SUMF1: variants seen among roughly 807,000 people sequenced by gnomAD.
SUMF1 encodes sulfatase modifying factor 1.
In SUMF1, 48 loss-of-function variants were observed where a neutral mutation model predicts 47.6. That is an observed-to-expected ratio of 1.01 (90% confidence interval 0.80 to 1.28). SUMF1 has a LOEUF of 1.28. Ranked by LOEUF, SUMF1 falls within the 50% of genes most tolerant of loss-of-function variation. The pLI is 0.00. For missense variants in SUMF1, 571 were observed against 485.4 expected (o/e 1.18, Z -1.66); for synonymous variants, 230 against 192.1 (o/e 1.20, Z -1.63).
intron 8 of SUMF1, among the ~76,000 whole-genome samples, chr3:4,327,018 A>G (rs1698960277): frequency 6.6e-6 from 1 of 152,198 alleles, no homozygotes; most frequent in Non-Finnish European, 1.5e-5. Flanking sequence ...ATACTTACAA[A>G]TAGTTTCTAA....
At chr3:4,091,699 C>T (rs1173103207) in intron 8 of SUMF1, among the ~76,000 whole-genome samples, 1 of 151,992 alleles carries the variant, frequency 6.6e-6, no homozygotes, top group African/African-American at 2.4e-5. Flanking sequence ...GAAATTCTGC[C>T]AGACTTGGCA....
chr3:4,253,485 A>G (rs577585055), intron 8 of SUMF1, among the ~76,000 whole-genome samples: 10 of 152,062 alleles, frequency 6.6e-5, no homozygotes, highest in East Asian at 1.9e-4. Flanking sequence ...CTTTCCGAGT[A>G]AAAGAAAGGG....
At chr3:4,195,779 T>C (rs1574968695) in intron 8 of SUMF1, among the ~76,000 whole-genome samples, 1 of 152,144 alleles carries the variant, frequency 6.6e-6, no homozygotes, top group Non-Finnish European at 1.5e-5. Flanking sequence ...TTTTTAAAGC[T>C]AGGACTTTTT....
intron 8 of SUMF1, among the ~76,000 whole-genome samples, chr3:4,340,992 T>C (rs1405555437): frequency 1.3e-5 from 2 of 152,180 alleles, no homozygotes; most frequent in Admixed American, 6.5e-5. Flanking sequence ...CCACACAATA[T>C]CCTTTGTGTT....
chr3:4,039,131 C>T (rs921981087), intron 9 of SUMF1, among the ~76,000 whole-genome samples: 2 of 143,482 alleles, frequency 1.4e-5, no homozygotes, highest in African/African-American at 5.0e-5. Flanking sequence ...ACAGAAAATA[C>T]ATTTAATATA....
chr3:4,365,381 T>C (rs1699918156), intron 8 of SUMF1, among the ~76,000 whole-genome samples: 1 of 123,606 alleles, frequency 8.1e-6, no homozygotes, highest in Non-Finnish European at 1.9e-5. Flanking sequence ...CAGGATTTGC[T>C]TTATGAATCT....
intron 9 of SUMF1, among the ~76,000 whole-genome samples, chr3:4,056,956 C>A (rs530091231): frequency 1.3e-5 from 2 of 152,034 alleles, no homozygotes; most frequent in African/African-American, 4.8e-5. Flanking sequence ...CCATGTTAGC[C>A]AGGATGGTCT....
At chr3:4,189,803 T>A (rs902964181) in intron 8 of SUMF1, among the ~76,000 whole-genome samples, 5 of 152,136 alleles carry the variant, frequency 3.3e-5, no homozygotes, top group African/African-American at 7.2e-5. Flanking sequence ...TGCTGACACC[T>A]TTCACATTTC....
chr3:4,336,769 G>A (rs1699161501), intron 8 of SUMF1, among the ~76,000 whole-genome samples: 1 of 152,184 alleles, frequency 6.6e-6, no homozygotes, highest in African/African-American at 2.4e-5. Flanking sequence ...TTGATATTCT[G>A]TCAACTTTTA....
chr3:4,397,895 TTAAC>T (rs1450233540), intron 7 of SUMF1, among the ~76,000 whole-genome samples: 3 of 152,166 alleles, frequency 2.0e-5, no homozygotes, highest in Non-Finnish European at 4.4e-5. Context: ...ATACTCATAA[TTAAC>T]ATATATCAAA....
chr3:4,431,214 A>C (rs1201956303), intron 3 of SUMF1, among the ~76,000 whole-genome samples: 1 of 152,172 alleles, frequency 6.6e-6, no homozygotes, highest in Admixed American at 6.5e-5. Flanking sequence ...TAAAGCCTGA[A>C]AGCCAAGCTT....
chr3:4,200,457 TC>T lies in SUMF1; in HGVS notation c.1015-131713del, dbSNP rs1412648990. Among the ~76,000 whole-genome samples, 15 of 152,212 alleles carry T rather than the reference TC, an allele frequency of 9.9e-5. No homozygotes were observed. In the East Asian group the frequency reaches 2.7e-3, roughly 27 times the overall value. On this transcript the variant is annotated intron_variant and NMD_transcript_variant, in intron 8 of 12. Transcript: ENST00000448413. ...CTCTCCTGGAGCTGGGACACCCTTC[TC>T]CTACCCTTGATCATCAGAACTGCAG...
intron 8 of SUMF1, among the ~76,000 whole-genome samples, chr3:4,324,576 A>G (rs79645434): frequency 6.6e-6 from 1 of 152,224 alleles, no homozygotes; most frequent in African/African-American, 2.4e-5. Flanking sequence ...CACTAAATCT[A>G]CATTTTACAT....
At chr3:4,225,632 C>CA (rs1696156542) in intron 8 of SUMF1, among the ~76,000 whole-genome samples, 1 of 152,058 alleles carries the variant, frequency 6.6e-6, no homozygotes, top group Non-Finnish European at 1.5e-5. Flanking sequence ...CTCAAATGAC[C>CA]AAAACCCATG....
intron 4 of SUMF1, 41 bp downstream of exon 4, chr3:4,420,023 C>T: frequency 1.3e-6 from 2 of 1,559,246 alleles, no homozygotes; most frequent in South Asian, 2.2e-5. Context: ...ACCTATTTTG[C>T]AATGGAACTT....
At chr3:4,145,875 G>A (rs73809331) in intron 8 of SUMF1, among the ~76,000 whole-genome samples, 3 of 152,002 alleles carry the variant, frequency 2.0e-5, no homozygotes, top group Non-Finnish European at 2.9e-5. Context: ...TTTTCCCCCC[G>A]TCTACAGCTT....
intron 9 of SUMF1, among the ~76,000 whole-genome samples, chr3:4,039,420 T>G (rs1087820): frequency 0.52 from 38,990 of 74,812 alleles, 10,631 homozygotes; most frequent in East Asian, 0.69. Context: ...CCCCTTCCTG[T>G]GTCCATGTGA....
intron 8 of SUMF1, among the ~76,000 whole-genome samples, chr3:4,207,044 T>G (rs1001963596): frequency 6.6e-6 from 1 of 152,160 alleles, no homozygotes; most frequent in Admixed American, 6.5e-5. Flanking sequence ...TGTTTTATAG[T>G]TTTTATTATA....
At chr3:4,444,952 TATGAAGCC>T (rs1355224180) in intron 3 of SUMF1, among the ~76,000 whole-genome samples, 1 of 152,212 alleles carries the variant, frequency 6.6e-6, no homozygotes, top group African/African-American at 2.4e-5. Flanking sequence ...AAAGCAAAGC[TATGAAGCC>T]ATGAAGCCAT....
Sources: gnomAD v4.1 joint callset for allele counts (sites outside exome capture counted in the v4.1 genomes callset) on GRCh38, gnomAD v4.1.1 for gene constraint, MANE v1.5 for transcripts, NCBI Gene and HGNC (gene_info 2026-07-23, HGNC 2026-07-21) for gene names.